The following KCNH7 variants were observed in gnomAD, a reference collection of about 807,000 sequenced individuals.
The protein encoded by KCNH7 is voltage-gated inwardly rectifying potassium channel KCNH7.
In KCNH7, 49 loss-of-function variants were observed where a neutral mutation model predicts 120.8. The observed-to-expected ratio is 0.41, with a 90% confidence interval of 0.32 to 0.51. The LOEUF is 0.51. Among genes scored for constraint, KCNH7 ranks in the 20% least tolerant of loss-of-function variants. The pLI, the probability that KCNH7 is intolerant of heterozygous loss-of-function variation, is 0.38. For missense variants in KCNH7, 1,097 were observed against 1,446.6 expected (o/e 0.76, Z 3.92); for synonymous variants, 547 against 516.1 (o/e 1.06, Z -0.81).
intron 2 of KCNH7, among the ~76,000 whole-genome samples, chr2:162,652,358 C>T (rs573237185): frequency 3.3e-5 from 5 of 152,102 alleles, no homozygotes; most frequent in Admixed American, 3.3e-4. Context: ...AACAAGTATA[C>T]AGAAGCAGCC....
At chr2:162,473,703 G>T (rs1023446012) in intron 6 of KCNH7, among the ~76,000 whole-genome samples, 1 of 152,174 alleles carries the variant, frequency 6.6e-6, no homozygotes, top group Admixed American at 6.5e-5. Context: ...CTTAGAAGAG[G>T]TCATATTCTA....
chr2:162,620,173 TAG>T (rs1559048234), intron 2 of KCNH7, among the ~76,000 whole-genome samples: 7 of 148,646 alleles, frequency 4.7e-5, no homozygotes, highest in East Asian at 2.0e-4. Flanking sequence ...GAGAGAGAGA[TAG>T]ATATTTTTGT....
At chr2:162,788,158 C>A (rs1683782227) in intron 2 of KCNH7, among the ~76,000 whole-genome samples, 1 of 152,076 alleles carries the variant, frequency 6.6e-6, no homozygotes, top group South Asian at 2.1e-4. Flanking sequence ...AATCCATGAA[C>A]TGTGTGGCAA....
intron 6 of KCNH7, among the ~76,000 whole-genome samples, chr2:162,488,674 A>G (rs1384952741): frequency 3.3e-5 from 5 of 152,126 alleles, no homozygotes; most frequent in Admixed American, 6.5e-5. Flanking sequence ...AAATATCCCA[A>G]AAGAAAAATC....
At chr2:162,764,038 A>G (rs1689059974) in intron 2 of KCNH7, among the ~76,000 whole-genome samples, 1 of 151,926 alleles carries the variant, frequency 6.6e-6, no homozygotes, top group Admixed American at 6.6e-5. Context: ...AATGTTTATA[A>G]AGTTCCTCTT....
At chr2:162,476,521 T>A (rs1029992218) in intron 6 of KCNH7, among the ~76,000 whole-genome samples, 2 of 152,222 alleles carry the variant, frequency 1.3e-5, no homozygotes, top group African/African-American at 4.8e-5. Flanking sequence ...AGGTTATGAA[T>A]CTGAAACTAA....
chr2:162,527,322 T>C (rs1241110895), intron 3 of KCNH7, among the ~76,000 whole-genome samples: 1 of 152,034 alleles, frequency 6.6e-6, no homozygotes, highest in Non-Finnish European at 1.5e-5. Context: ...AGAGATTGTT[T>C]CTATAGTAAT....
chr2:162,604,414 C>T (rs532949129), intron 2 of KCNH7, among the ~76,000 whole-genome samples: 1 of 152,038 alleles, frequency 6.6e-6, no homozygotes, highest in African/African-American at 2.4e-5. Context: ...TAGACTATTG[C>T]CATTCTACTT....
chr2:162,512,097 T>C (rs10176784), intron 5 of KCNH7, among the ~76,000 whole-genome samples: 137,157 of 151,680 alleles, frequency 0.9, 63,652 homozygotes, highest in East Asian at 1. Context: ...TGATTTCAGA[T>C]TAATAGAGAA....
At chr2:162,573,318 T>A (rs1042551251) in intron 2 of KCNH7, among the ~76,000 whole-genome samples, 2 of 152,074 alleles carry the variant, frequency 1.3e-5, no homozygotes, top group South Asian at 2.1e-4. Flanking sequence ...TTCTTTAATA[T>A]GACAGTGTCT....
At chr2:162,662,561 T>G (rs990799159) in intron 2 of KCNH7, among the ~76,000 whole-genome samples, 3 of 152,202 alleles carry the variant, frequency 2.0e-5, no homozygotes, top group Non-Finnish European at 2.9e-5. Context: ...CATTAGAAAT[T>G]AGCAAATCTA....
At chr2:162,798,223 A>G (rs1478020435) in intron 2 of KCNH7, among the ~76,000 whole-genome samples, 1 of 152,108 alleles carries the variant, frequency 6.6e-6, no homozygotes, top group Non-Finnish European at 1.5e-5. Flanking sequence ...GTATTTTAAG[A>G]AAACGAAAGT....
At chr2:162,768,006 T>A (rs2105465554) in intron 2 of KCNH7, among the ~76,000 whole-genome samples, 1 of 152,300 alleles carries the variant, frequency 6.6e-6, no homozygotes, top group Non-Finnish European at 1.5e-5. Context: ...AACAATTTCA[T>A]CACAAGCAAA....
At chr2:162,801,035 C>A (rs1684325758) in intron 2 of KCNH7, among the ~76,000 whole-genome samples, 1 of 151,698 alleles carries the variant, frequency 6.6e-6, no homozygotes, top group African/African-American at 2.4e-5. Flanking sequence ...ACATAAAATT[C>A]ATGTTTTTTA....
intron 4 of KCNH7, among the ~76,000 whole-genome samples, chr2:162,517,356 A>G (rs570946694): frequency 6.6e-6 from 1 of 151,980 alleles, no homozygotes; most frequent in African/African-American, 2.4e-5. Context: ...CTGATGGCAC[A>G]AATTCTTTCT....
chr2:162,379,728 A>C, intron 14 of KCNH7, 125 bp downstream of exon 14: 1 of 905,794 alleles, frequency 1.1e-6, no homozygotes, highest in South Asian at 1.8e-5. Flanking sequence ...GTCTTATTTT[A>C]AATAAGTAAA....
At chr2:162,772,297 A>C (rs2105474456) in intron 2 of KCNH7, among the ~76,000 whole-genome samples, 1 of 152,296 alleles carries the variant, frequency 6.6e-6, no homozygotes, top group South Asian at 2.1e-4. Flanking sequence ...TTATGAGGTA[A>C]GCTATACTTT....
intron 2 of KCNH7, among the ~76,000 whole-genome samples, chr2:162,728,977 T>A (rs559708802): frequency 3.3e-5 from 5 of 152,150 alleles, no homozygotes; most frequent in African/African-American, 1.2e-4. Context: ...GTACATGATG[T>A]GAAGTAAGGT....
chr2:162,818,952 A>G (rs1340347578), intron 2 of KCNH7, among the ~76,000 whole-genome samples: 1 of 152,182 alleles, frequency 6.6e-6, no homozygotes, highest in Non-Finnish European at 1.5e-5. Context: ...CCTGATGAAA[A>G]TCTACAACTT....
Sources: gnomAD v4.1 joint callset for allele counts (sites outside exome capture counted in the v4.1 genomes callset) on GRCh38, gnomAD v4.1.1 for gene constraint, MANE v1.5 for transcripts, NCBI Gene and HGNC (gene_info 2026-07-23, HGNC 2026-07-21) for gene names.